TTC38: variants seen among roughly 807,000 people sequenced by gnomAD.
The protein encoded by TTC38 is tetratricopeptide repeat domain 38, also known as tetratricopeptide repeat protein 38.
Under a neutral mutation model 64.2 loss-of-function variants are expected in TTC38, and 64 were observed. The observed-to-expected ratio is 1.00, with a 90% confidence interval of 0.81 to 1.23. TTC38 has a LOEUF of 1.23. Ranked by LOEUF, TTC38 falls within the 50% of genes most tolerant of loss-of-function variation. The pLI is 0.00. For missense variants in TTC38, 573 were observed against 615.5 expected, an observed-to-expected ratio of 0.93 and a Z score of 0.73; for synonymous variants, 254 against 249.3, an observed-to-expected ratio of 1.02 and a Z score of -0.18.
chr22:46,270,872 C>T lies in TTC38; in HGVS notation c.112-1463C>T, dbSNP rs1282831094. ...AAAAAATTAGCCGGGCGCAGTGGTGCACACCTGTAATCCCAGCTACTAAGG... is the reference window on the plus strand; with the variant it reads ...AAAAAATTAGCCGGGCGCAGTGGTGTACACCTGTAATCCCAGCTACTAAGG... On this transcript the variant is annotated intron_variant, in intron 2 of 13. Coordinates refer to ENST00000381031, the MANE Select transcript of TTC38 (RefSeq NM_017931.4). The surrounding 1 kb of genome is among the most constrained non-coding windows in gnomAD (Gnocchi z 4.7). Among the ~76,000 whole-genome samples, 1 of 149,906 alleles carries T rather than the reference C, an allele frequency of 6.7e-6. No individual in the cohort carries two copies. The highest frequency in any genetic ancestry group is 1.5e-5 in the Non-Finnish European group (1 of 67,580).
Position 46,281,145 on chromosome 22 carries a change from G to A in TTC38, c.616-454G>A, listed in dbSNP as rs754038150. 1.1e-4 allele frequency among the ~76,000 whole-genome samples: 16 copies of A among 152,248 alleles called. No individual in the cohort carries two copies. Among genetic ancestry groups the A allele is most frequent in the Non-Finnish European group, 2.2e-4 (15 of 68,056 alleles). On this transcript the variant is annotated intron_variant, in intron 6 of 13. Coordinates refer to ENST00000381031, the MANE Select transcript of TTC38 (RefSeq NM_017931.4). This position sits in a 1 kb window ranked among gnomAD's most constrained non-coding sequence, Gnocchi z 5.2. ...GGAAGAGGCAGTCACAGCCACTGGA[G>A]GACTTGATAGTTCACACCACGTTCA...
In TTC38 at chr22:46,285,324, C is replaced by G. The variant is rs770537980; in HGVS notation, c.834+45C>G. ...TGTTTGGTTTGTTGCAGCATTTTGC[C>G]TTTGAGTCTCAAAGAGACCAGATTT... is the stretch of plus-strand genomic sequence containing the variant. On this transcript the variant is annotated intron_variant, in intron 9 of 13. Transcript: ENST00000381031. The G allele has an allele frequency of 2.5e-6, 4 of 1,598,562 alleles. No individual in the cohort carries two copies. The South Asian group carries it at 3.3e-5, about 13-fold the overall frequency.
In TTC38 at chr22:46,293,596, T is replaced by C. The variant is rs2147805580; in HGVS notation, c.*712T>C. 1 of 152,244 alleles carries C rather than the reference T, an allele frequency of 6.6e-6. No individual in the cohort carries two copies. The highest frequency in any genetic ancestry group is 2.4e-5 in the African/African-American group (1 of 41,550). 9.4% of individuals were successfully genotyped at this position (152,244 alleles called of 1,614,324 possible). On this transcript the variant is annotated 3_prime_UTR_variant, in exon 14 of 14. Transcript: ENST00000381031. This position sits in a 1 kb window ranked among gnomAD's most constrained non-coding sequence, Gnocchi z 6.6. ...GTTTCTCTTTTTAAACTGCACATCA[T>C]AACAGGGCTTCATGTCGAGCATGAT...
In TTC38 at chr22:46,289,658, CAAT is replaced by C. The variant is rs1163990765; in HGVS notation, c.1242+98_1242+100del. ...GTTTCTCCCATGGTGTTGGTGCCAA[CAAT>C]GTGGGTGTGAACGTGTCTCTCACAC... On this transcript the variant is annotated intron_variant, in intron 12 of 13. Coordinates refer to ENST00000381031, the MANE Select transcript of TTC38 (RefSeq NM_017931.4). 26 of 1,494,692 alleles carry C rather than the reference CAAT, an allele frequency of 1.7e-5. No homozygotes were observed. The East Asian group carries it at 5.3e-4, about 31-fold the overall frequency. 92.6% of individuals were successfully genotyped at this position (1,494,692 alleles called of 1,614,324 possible). A position where few individuals can be genotyped will look rare whatever the true frequency, so the allele number is the denominator to read the frequency against.
rs1265148781 is a variant in TTC38 at position 46,292,759 on chromosome 22, C to T, written c.1317-32C>T. Reference sequence around the variant, plus strand: ...AGGCCCCACATCCCTCTAGAAGGTTCTGTAACAGGACCTCTGTGTCTGTTT... The same window carrying T: ...AGGCCCCACATCCCTCTAGAAGGTTTTGTAACAGGACCTCTGTGTCTGTTT... On this transcript the variant is annotated intron_variant, in intron 13 of 13. Coordinates refer to ENST00000381031, the MANE Select transcript of TTC38 (RefSeq NM_017931.4). This position sits in a 1 kb window ranked among gnomAD's most constrained non-coding sequence, Gnocchi z 6.5. 1 of 1,594,342 alleles carries T rather than the reference C, an allele frequency of 6.3e-7. No individual in the cohort carries two copies. Among genetic ancestry groups the T allele is most frequent in the Non-Finnish European group, 8.6e-7 (1 of 1,162,730 alleles).
At chr22:46,289,092 C>T (rs1569026312) in intron 11 of TTC38, among the ~76,000 whole-genome samples, 1 of 152,226 alleles carries the variant, frequency 6.6e-6, no homozygotes, top group African/African-American at 2.4e-5. Context: ...AGTGCCAGGC[C>T]TTTGCCTGTA....
rs942498864 is a variant in TTC38, at chr22:46,281,228, C to T, written c.616-371C>T. Among the ~76,000 whole-genome samples, 3 of 152,362 alleles carry T rather than the reference C, an allele frequency of 2.0e-5. No homozygotes were observed. Among genetic ancestry groups the T allele is most frequent in the African/African-American group, 4.8e-5 (2 of 41,596 alleles). On this transcript the variant is annotated intron_variant, in intron 6 of 13. Coordinates refer to ENST00000381031, the MANE Select transcript of TTC38 (RefSeq NM_017931.4). This position sits in a 1 kb window ranked among gnomAD's most constrained non-coding sequence, Gnocchi z 5.2. Reference sequence around the variant, plus strand: ...CAGCATCCGTGGCCTTCCAGGCAGGCGGCAGCTGAGGCCCAGAGAGGGCGG... The same window carrying T: ...CAGCATCCGTGGCCTTCCAGGCAGGTGGCAGCTGAGGCCCAGAGAGGGCGG...
In TTC38 at chr22:46,292,954, C is replaced by G; in HGVS notation, c.*70C>G. ...CACTGCGTCCAGTCAGCTGCTCCACCGGGTTAGGGTCAGGAGACGGCCAGA... is the reference window on the plus strand; with the variant it reads ...CACTGCGTCCAGTCAGCTGCTCCACGGGGTTAGGGTCAGGAGACGGCCAGA... On this transcript the variant is annotated 3_prime_UTR_variant, in exon 14 of 14. Transcript: ENST00000381031. The surrounding 1 kb of genome is among the most constrained non-coding windows in gnomAD (Gnocchi z 6.5). 7.8e-7 allele frequency: 1 copy of G among 1,276,968 alleles called. No homozygotes were observed. The allele number at this position is 1,276,968 out of a possible 1,614,324, so 79.1% of individuals were successfully genotyped here. A position where few individuals can be genotyped will look rare whatever the true frequency, so the allele number is the denominator to read the frequency against.
Position 46,275,059 on chromosome 22 carries a change from G to T in TTC38, c.366-189G>T, listed in dbSNP as rs541426314. 6.6e-6 allele frequency among the ~76,000 whole-genome samples: 1 copy of T among 152,290 alleles called. No individual in the cohort carries two copies. The highest frequency in any genetic ancestry group is 2.4e-5 in the African/African-American group (1 of 41,570). ...GCTGGTCTTGAACTCCTGACCTCGT[G>T]ATCCACCTGCCTTGGTCTCCCAAAG... is the stretch of plus-strand genomic sequence containing the variant. On this transcript the variant is annotated intron_variant, in intron 4 of 13. Coordinates refer to ENST00000381031, the MANE Select transcript of TTC38 (RefSeq NM_017931.4). The surrounding 1 kb of genome is among the most constrained non-coding windows in gnomAD (Gnocchi z 4.5).
In TTC38 at chr22:46,281,964, C is replaced by A; in HGVS notation, c.735+246C>A. On this transcript the variant is annotated intron_variant, in intron 7 of 13. Transcript: ENST00000381031. This position sits in a 1 kb window ranked among gnomAD's most constrained non-coding sequence, Gnocchi z 5.2. Reference sequence around the variant, plus strand: ...AGGGTCCAGCCCAGACTTCTCTGTCCTTACAGGGCCTGGTCAGGAGGAGCG... The same window carrying A: ...AGGGTCCAGCCCAGACTTCTCTGTCATTACAGGGCCTGGTCAGGAGGAGCG... The A allele has an allele frequency of 1.6e-6, 1 of 643,928 alleles. No individual in the cohort carries two copies. The highest frequency in any genetic ancestry group is 2.9e-6 in the Non-Finnish European group (1 of 339,462). The allele number at this position is 643,928 out of a possible 1,614,324, so 39.9% of individuals were successfully genotyped here.
chr22:46,268,555 C>G lies in TTC38; in HGVS notation c.75C>G (p.Asn25Lys). 1 of 1,614,052 alleles carries G rather than the reference C, an allele frequency of 6.2e-7. No homozygotes were observed. Among genetic ancestry groups the G allele is most frequent in the South Asian group, 1.1e-5 (1 of 91,088 alleles). Reference sequence around the variant, plus strand: ...GGCTCCCGCTCTCCACCACAAGCAACGAAGCCTGCAAGCTGTTCGATGCCA... The same window carrying G: ...GGCTCCCGCTCTCCACCACAAGCAAGGAAGCCTGCAAGCTGTTCGATGCCA... ...DARLPLSTTS[N>K]EACKLFDATL... Residue 25 changes from asparagine to lysine, a missense_variant, in exon 2 of 14, where the codon AAC becomes AAG. Physicochemically the swap from Asn to Lys is moderately conservative, Grantham distance 94. This residue lies in a region of TTC38 where 134 missense variants were observed against 126.5 expected (regional missense o/e 1.06). Transcript: ENST00000381031.
At position 46,273,847 on chromosome 22, in the gene TTC38, G is replaced by T; in HGVS notation, c.194-51G>T. The T allele has an allele frequency of 6.3e-7, 1 of 1,594,566 alleles. No individual in the cohort carries two copies. The highest frequency in any genetic ancestry group is 1.9e-4 in the Middle Eastern group (1 of 5,296). ...TGACATGTGGAGTCTGGGCTGGGATGGGCTGAGCTGGACCATCTGAACCAC... is the reference window on the plus strand; with the variant it reads ...TGACATGTGGAGTCTGGGCTGGGATTGGCTGAGCTGGACCATCTGAACCAC... On this transcript the variant is annotated intron_variant, in intron 3 of 13. Transcript: ENST00000381031. This position sits in a 1 kb window ranked among gnomAD's most constrained non-coding sequence, Gnocchi z 5.1.
intron 9 of TTC38, among the ~76,000 whole-genome samples, chr22:46,285,940 A>C (rs2077568395): frequency 6.7e-6 from 1 of 149,074 alleles, no homozygotes; most frequent in Admixed American, 6.8e-5. Context: ...ACTTGAACCC[A>C]GGAGGCAGAG....
At position 46,291,069 on chromosome 22, in the gene TTC38, A is replaced by G. The variant is rs963698565; in HGVS notation, c.1316+1170A>G. 2.0e-5 allele frequency among the ~76,000 whole-genome samples: 3 copies of G among 152,168 alleles called. No individual in the cohort carries two copies. Among genetic ancestry groups the G allele is most frequent in the African/African-American group, 7.2e-5 (3 of 41,442 alleles). On this transcript the variant is annotated intron_variant, in intron 13 of 13. Transcript: ENST00000381031. This position sits in a 1 kb window ranked among gnomAD's most constrained non-coding sequence, Gnocchi z 4.6. ...AGCTCCCTCCAGGCAGGGTTACCCA[A>G]ACTGAGCTGTACAGGTTCTGTGGTA... is the stretch of plus-strand genomic sequence containing the variant.
intron 13 of TTC38, among the ~76,000 whole-genome samples, chr22:46,290,396 C>CT: frequency 6.6e-6 from 1 of 151,368 alleles, no homozygotes; most frequent in East Asian, 1.9e-4. Flanking sequence ...CGTAAACTCG[C>CT]ACTGAGGGAG....
chr22:46,275,114 C>G lies in TTC38; in HGVS notation c.366-134C>G. 1 of 844,004 alleles carries G rather than the reference C, an allele frequency of 1.2e-6. No homozygotes were observed. Among genetic ancestry groups the G allele is most frequent in the South Asian group, 1.9e-5 (1 of 53,940 alleles). The allele number at this position is 844,004 out of a possible 1,614,324, so 52.3% of individuals were successfully genotyped here. A position where few individuals can be genotyped will look rare whatever the true frequency, so the allele number is the denominator to read the frequency against. On this transcript the variant is annotated intron_variant, in intron 4 of 13. Coordinates refer to ENST00000381031, the MANE Select transcript of TTC38 (RefSeq NM_017931.4). This position sits in a 1 kb window ranked among gnomAD's most constrained non-coding sequence, Gnocchi z 4.5. ...GGGATTACAGGCATAAGCCACCGCACCCAGTCAGAAACTGATTTTTAAAAA... is the reference window on the plus strand; with the variant it reads ...GGGATTACAGGCATAAGCCACCGCAGCCAGTCAGAAACTGATTTTTAAAAA...
intron 11 of TTC38, 131 bp downstream of exon 11, chr22:46,288,719 G>A: frequency 1.1e-6 from 1 of 908,384 alleles, no homozygotes. Flanking sequence ...GCCCATGGAG[G>A]CAGCTCCCAG....
chr22:46,275,522 A>G lies in TTC38; in HGVS notation c.539+101A>G. The stretch of plus-strand genomic sequence containing the variant: ...TTGGCCCTGTCCTAAAAATAATGGG[A>G]CCACTGTTGCTATTCTCCTAGTTCC... On this transcript the variant is annotated intron_variant, in intron 5 of 13. Coordinates refer to ENST00000381031, the MANE Select transcript of TTC38 (RefSeq NM_017931.4). This position sits in a 1 kb window ranked among gnomAD's most constrained non-coding sequence, Gnocchi z 4.5. The G allele has an allele frequency of 1.7e-6, 2 of 1,199,300 alleles. No homozygotes were observed. Among genetic ancestry groups the G allele is most frequent in the Non-Finnish European group, 2.3e-6 (2 of 854,350 alleles). The allele number at this position is 1,199,300 out of a possible 1,614,324, so 74.3% of individuals were successfully genotyped here. A position where few individuals can be genotyped will look rare whatever the true frequency, so the allele number is the denominator to read the frequency against.
chr22:46,282,546 A>G lies in TTC38; in HGVS notation c.735+828A>G, dbSNP rs1379042947. Among the ~76,000 whole-genome samples the G allele has an allele frequency of 2.0e-5, 3 of 152,194 alleles. No individual in the cohort carries two copies. In the East Asian group the frequency reaches 5.8e-4, roughly 29 times the overall value. The stretch of plus-strand genomic sequence containing the variant: ...ATACCTGCTTTGTATTTGGGGCAGC[A>G]AGAAATCAGGGAAGGGTGTGCACTT... On this transcript the variant is annotated intron_variant, in intron 7 of 13. Coordinates refer to ENST00000381031, the MANE Select transcript of TTC38 (RefSeq NM_017931.4). The surrounding 1 kb of genome is among the most constrained non-coding windows in gnomAD (Gnocchi z 4.4).
Sources: gnomAD v4.1 joint callset for allele counts (sites outside exome capture counted in the v4.1 genomes callset) on GRCh38, gnomAD v4.1.1 for gene constraint, gnomAD v4.1.1 regional missense constraint, Gnocchi (gnomAD v3.1) non-coding constraint, MANE v1.5 for transcripts, NCBI Gene and HGNC (gene_info 2026-07-23, HGNC 2026-07-21) for gene names.